The following ZC4H2 variants were observed in gnomAD, a reference collection of about 807,000 sequenced individuals.
ZC4H2 encodes zinc finger C4H2-type containing, also known as zinc finger C4H2 domain-containing protein.
For synonymous variants in ZC4H2, 84 were observed against 66.3 expected, an observed-to-expected ratio of 1.27 and a Z score of -1.30; for missense variants, 137 against 173.9, an observed-to-expected ratio of 0.79 and a Z score of 1.19.
intron 1 of ZC4H2, among the ~76,000 whole-genome samples, chrX:64,934,565 G>A (rs1222097010): frequency 8.9e-6 from 1 of 112,122 alleles, no homozygotes. Flanking sequence ...TGGCCAAATA[G>A]GAACAGCTCT....
At chrX:64,933,523 G>T (rs1048533390) in intron 1 of ZC4H2, among the ~76,000 whole-genome samples, 5 of 110,299 alleles carry the variant, frequency 4.5e-5, no homozygotes, top group East Asian at 2.9e-4. Context: ...TTGGACTGTG[G>T]TTTTTTTTAA....
intron 1 of ZC4H2, among the ~76,000 whole-genome samples, chrX:64,955,905 T>C (rs975421045): frequency 1.8e-5 from 2 of 111,872 alleles, no homozygotes; most frequent in African/African-American, 3.2e-5. Context: ...AAAGGGAACA[T>C]TGGTTCACTC....
chrX:64,953,298 A>G (rs1309166189), intron 1 of ZC4H2, among the ~76,000 whole-genome samples: 2 of 112,357 alleles, frequency 1.8e-5, no homozygotes, highest in African/African-American at 6.5e-5. Context: ...AAGCAATGGC[A>G]ACAAAAGCCG....
chrX:65,019,435 G>A (rs1305047293), intron 1 of ZC4H2, among the ~76,000 whole-genome samples: 1 of 112,342 alleles, frequency 8.9e-6, no homozygotes, highest in Non-Finnish European at 1.9e-5. Context: ...CAGACCTGCA[G>A]CAGAGGGGCC....
At chrX:64,926,072 G>C (rs772082297) in intron 1 of ZC4H2, among the ~76,000 whole-genome samples, 16 of 111,976 alleles carry the variant, frequency 1.4e-4, no homozygotes, top group Non-Finnish European at 2.8e-4. Context: ...CAGTTTCTCT[G>C]AGGGAAGCCT....
chrX:64,943,362 T>C (rs185547241), intron 1 of ZC4H2, among the ~76,000 whole-genome samples: 140 of 112,187 alleles, frequency 1.2e-3, no homozygotes, highest in African/African-American at 4.4e-3. Context: ...GGGCTAGAGC[T>C]GAGTTCAAGT....
At chrX:64,963,258 C>G (rs770679865) in intron 1 of ZC4H2, among the ~76,000 whole-genome samples, 2 of 111,840 alleles carry the variant, frequency 1.8e-5, no homozygotes, top group Non-Finnish European at 3.8e-5. Context: ...GGACCCTTAT[C>G]TTATACCATA....
At chrX:65,011,615 TTGTGGAAGTGAACGAGTTC>T (rs1181970920) in intron 1 of ZC4H2, among the ~76,000 whole-genome samples, 1 of 111,519 alleles carries the variant, frequency 9.0e-6, no homozygotes, top group Non-Finnish European at 1.9e-5. Flanking sequence ...AACAAATATT[TTGTGGAAGTGAACGAGTTC>T]CCTGGTGAGT....
At chrX:64,925,188 T>C (rs1929375482) in intron 1 of ZC4H2, among the ~76,000 whole-genome samples, 1 of 111,275 alleles carries the variant, frequency 9.0e-6, no homozygotes. Flanking sequence ...CTACAGCAAA[T>C]AGGGTTTGTG....
At chrX:64,931,373 A>G (rs1339213749) in intron 1 of ZC4H2, among the ~76,000 whole-genome samples, 1 of 109,942 alleles carries the variant, frequency 9.1e-6, no homozygotes, top group Non-Finnish European at 1.9e-5. Context: ...TGATCTTGTT[A>G]TTTCTTTTCT....
At chrX:65,028,291 C>T (rs988306245) in intron 1 of ZC4H2, among the ~76,000 whole-genome samples, 3 of 111,653 alleles carry the variant, frequency 2.7e-5, no homozygotes, top group Non-Finnish European at 5.6e-5. Context: ...TACTATGTGG[C>T]AGGTACTATT....
intron 1 of ZC4H2, among the ~76,000 whole-genome samples, chrX:64,937,339 G>A (rs1270105336): frequency 9.0e-6 from 1 of 111,093 alleles, no homozygotes; most frequent in Admixed American, 9.6e-5. Context: ...ATAATAGTGG[G>A]AGACTTTAAC....
intron 1 of ZC4H2, among the ~76,000 whole-genome samples, chrX:64,923,334 C>T (rs1334273706): frequency 1.8e-5 from 2 of 111,192 alleles, no homozygotes; most frequent in African/African-American, 6.5e-5. Context: ...AAAGGGGTAC[C>T]CTCTAAGGCA....
In ZC4H2 at chrX:64,938,690, A is replaced by T. The variant is rs1222157989; in HGVS notation, c.54-16702T>A. Among the ~76,000 whole-genome samples the T allele has an allele frequency of 3.6e-5, 4 of 112,202 alleles. No homozygotes were observed. In the South Asian group the frequency reaches 1.5e-3, roughly 42 times the overall value. On this transcript the variant is annotated intron_variant, in intron 1 of 4. Transcript: ENST00000374839. ...ACATAACCAATGACAAAAAAGTCACATGATTATCTCACTAGATGCAGAAAA... is the reference window on the plus strand; with the variant it reads ...ACATAACCAATGACAAAAAAGTCACTTGATTATCTCACTAGATGCAGAAAA...
At position 64,982,728 on chromosome X, in the gene ZC4H2, G is replaced by A. The variant is rs763143599; in HGVS notation, c.-272+51901C>T. ...AAATGGCTTCATTTATAGTAGAAGC[G>A]TTAGAGGGATGATAACTTATAAAGC... On this transcript the variant is annotated intron_variant, in intron 1 of 4. Coordinates refer to the ZC4H2 transcript ENST00000337990. Among the ~76,000 whole-genome samples the A allele has an allele frequency of 3.8e-4, 43 of 111,896 alleles. 1 individual carries two copies. Among genetic ancestry groups the A allele is most frequent in the Admixed American group, 1.5e-3 (16 of 10,567 alleles).
At chrX:65,005,662 G>A (rs747648614) in intron 1 of ZC4H2, among the ~76,000 whole-genome samples, 1 of 111,573 alleles carries the variant, frequency 9.0e-6, no homozygotes, top group East Asian at 2.8e-4. Flanking sequence ...AAGACTTCAT[G>A]ACTAAAACAC....
intron 1 of ZC4H2, among the ~76,000 whole-genome samples, chrX:65,008,728 CA>C (rs1932709789): frequency 8.9e-6 from 1 of 111,877 alleles, no homozygotes; most frequent in African/African-American, 3.3e-5. Context: ...TGATAAATAT[CA>C]CATTTTCTCA....
chrX:64,928,481 T>C (rs753924688), intron 1 of ZC4H2, among the ~76,000 whole-genome samples: 2 of 111,954 alleles, frequency 1.8e-5, no homozygotes, highest in African/African-American at 6.5e-5. Flanking sequence ...CATTGGTCTA[T>C]ATATCTGTTT....
chrX:64,999,669 T>C (rs1210925599), intron 1 of ZC4H2, among the ~76,000 whole-genome samples: 1 of 111,869 alleles, frequency 8.9e-6, no homozygotes, highest in Non-Finnish European at 1.9e-5. Flanking sequence ...TCCCATGGAG[T>C]CCAGCAAGCT....
Sources: gnomAD v4.1 joint callset for allele counts (sites outside exome capture counted in the v4.1 genomes callset) on GRCh38, gnomAD v4.1.1 for gene constraint, MANE v1.5 for transcripts, NCBI Gene and HGNC (gene_info 2026-07-23, HGNC 2026-07-21) for gene names.